Variants in ARSG observed in about 807,000 individuals in gnomAD.
ARSG encodes arylsulfatase G.
ARSG carries 37 observed loss-of-function variants against 50.5 expected under a neutral mutation model. That is an observed-to-expected ratio of 0.73 (90% CI 0.56 to 0.96). The LOEUF is 0.96. Ranked by LOEUF, ARSG falls within the 50% of genes least tolerant of loss-of-function variation. The pLI, the probability that ARSG is intolerant of heterozygous loss-of-function variation, is 0.00. For missense variants in ARSG, 629 were observed against 675.3 expected (o/e 0.93, Z 0.76); for synonymous variants, 225 against 254.6 (o/e 0.88, Z 1.11).
chr17:68,321,084 C>T (rs879990931), intron 2 of ARSG, among the ~76,000 whole-genome samples: 5 of 152,056 alleles, frequency 3.3e-5, no homozygotes, highest in African/African-American at 7.2e-5. Context: ...ACAGGAGGAT[C>T]GCTTGAGCCC....
chr17:68,401,259 G>C, intron 10 of ARSG, 101 bp from the exon 11 acceptor site: 1 of 1,030,272 alleles, frequency 9.7e-7, no homozygotes, highest in South Asian at 1.4e-5. Flanking sequence ...CTGGGCTCAA[G>C]TGATCCTCCT....
downstream of ARSG, among the ~76,000 whole-genome samples, chr17:68,425,540 T>C (rs763911334): frequency 4.6e-5 from 7 of 151,950 alleles, no homozygotes; most frequent in Non-Finnish European, 1.0e-4. Context: ...TTAATGAGTG[T>C]CTGCAACTGC....
intron 1 of ARSG, chr17:68,278,421 A>G: frequency 1.4e-6 from 1 of 711,208 alleles, no homozygotes. Flanking sequence ...AGAACTACTT[A>G]CCCCATTTCT....
chr17:68,436,770 G>A, the ARSG span, among the ~76,000 whole-genome samples: 1 of 152,136 alleles, frequency 6.6e-6, no homozygotes, highest in Non-Finnish European at 1.5e-5. Context: ...TTTGAGGCGG[G>A]CGGATCACTT....
At chr17:68,309,978 G>A (rs554952482) in intron 2 of ARSG, among the ~76,000 whole-genome samples, 10 of 128,880 alleles carry the variant, frequency 7.8e-5, no homozygotes, top group African/African-American at 3.0e-4. Flanking sequence ...TTGTTTTGTT[G>A]TGTTTTTTTT....
At chr17:68,346,646 C>G in intron 3 of ARSG, 1 of 1,059,692 alleles carries the variant, frequency 9.4e-7, no homozygotes, top group South Asian at 1.6e-5. Context: ...GTAGGTGTCT[C>G]GGTGCTTGAA....
At chr17:68,282,785 A>AAAAAAAAAAAAAAAAAAAAAAAAG (rs2075735915) in intron 1 of ARSG, among the ~76,000 whole-genome samples, 1 of 146,030 alleles carries the variant, frequency 6.8e-6, no homozygotes, top group Non-Finnish European at 1.5e-5. Context: ...CTACTAAAAA[A>AAAAAAAAAAAAAAAAAAAAAAAAG]AAAAAAAAAA....
chr17:68,418,837 T>C (rs1490559140), intron 11 of ARSG, among the ~76,000 whole-genome samples: 1 of 152,216 alleles, frequency 6.6e-6, no homozygotes, highest in Non-Finnish European at 1.5e-5. Flanking sequence ...CTGCTTCTCC[T>C]GAGCAACTGA....
At chr17:68,286,028 G>A (rs2075834061) in intron 1 of ARSG, among the ~76,000 whole-genome samples, 1 of 152,122 alleles carries the variant, frequency 6.6e-6, no homozygotes, top group Admixed American at 6.6e-5. Context: ...CAAAGTGCTG[G>A]GATTACAGAT....
rs547628154 is a variant in ARSG at position 68,346,865 on chromosome 17, C to T, written c.407-260C>T. ...TGAGGGGCAGAGGCTCAGGCTTCTC[C>T]GGGCTCCTGGTGATGGGCTGTCTTC... On this transcript the variant is annotated intron_variant, in intron 3 of 11. Transcript: ENST00000621439. 7.5e-4 allele frequency: 1,062 copies of T among 1,416,902 alleles called. 1 individual carries two copies. Among genetic ancestry groups the T allele is most frequent in the Non-Finnish European group, 9.4e-4 (1,010 of 1,071,282 alleles). The allele number at this position is 1,416,902 out of a possible 1,614,324, so 87.8% of individuals were successfully genotyped here.
intron 9 of ARSG, among the ~76,000 whole-genome samples, chr17:68,386,398 G>A (rs150549010): frequency 2.1e-3 from 313 of 152,294 alleles, no homozygotes; most frequent in Non-Finnish European, 3.7e-3. Flanking sequence ...AGCTTCATTG[G>A]CACCCTCTGA....
At position 68,281,523 on chromosome 17, in the gene ARSG, C is replaced by T. The variant is rs568741126; in HGVS notation, c.-552+22097C>T. ...CTGGGAGGTGGAGGTTGCAGTGAGCCGAGATCGTGCCACTGTACTCCAGCC... is the reference window on the plus strand; with the variant it reads ...CTGGGAGGTGGAGGTTGCAGTGAGCTGAGATCGTGCCACTGTACTCCAGCC... On this transcript the variant is annotated intron_variant, in intron 1 of 11. Coordinates refer to the ARSG transcript ENST00000448504. Among the ~76,000 whole-genome samples the T allele has an allele frequency of 9.2e-5, 14 of 152,050 alleles. No homozygotes were observed. The East Asian group carries it at 1.7e-3, about 19-fold the overall frequency.
At chr17:68,314,249 G>A (rs1258019049) in intron 2 of ARSG, among the ~76,000 whole-genome samples, 1 of 151,830 alleles carries the variant, frequency 6.6e-6, no homozygotes, top group Non-Finnish European at 1.5e-5. Flanking sequence ...AATCTGGGCC[G>A]GGCACAGTGG....
At chr17:68,357,174 A>T (rs1429778803) in intron 6 of ARSG, among the ~76,000 whole-genome samples, 1 of 152,152 alleles carries the variant, frequency 6.6e-6, no homozygotes, top group Non-Finnish European at 1.5e-5. Context: ...AGCTGGCAGG[A>T]TGTATTACTT....
At chr17:68,412,633 C>A (rs1001786554) in intron 11 of ARSG, among the ~76,000 whole-genome samples, 1 of 152,052 alleles carries the variant, frequency 6.6e-6, no homozygotes, top group East Asian at 1.9e-4. Flanking sequence ...ATCTTTGTGG[C>A]GTTCTCTGTA....
chr17:68,423,145 T>C (rs1437760927), downstream of ARSG, among the ~76,000 whole-genome samples: 1 of 152,162 alleles, frequency 6.6e-6, no homozygotes, highest in Non-Finnish European at 1.5e-5. The surrounding 1 kb of genome is among the most constrained non-coding windows in gnomAD (Gnocchi z 4.4). Flanking sequence ...TCCAAGAGCC[T>C]TTTGTGGTCC....
In ARSG at chr17:68,399,748, G is replaced by A. The variant is rs532826420; in HGVS notation, c.1213-1612G>A. 2.6e-5 allele frequency among the ~76,000 whole-genome samples: 4 copies of A among 152,306 alleles called. No individual in the cohort carries two copies. Among genetic ancestry groups the A allele is most frequent in the East Asian group, 1.9e-4 (1 of 5,178 alleles). On this transcript the variant is annotated intron_variant, in intron 10 of 11. Coordinates refer to ENST00000621439, the MANE Select transcript of ARSG (RefSeq NM_001267727.2). This position sits in a 1 kb window ranked among gnomAD's most constrained non-coding sequence, Gnocchi z 4.6. Reference sequence around the variant, plus strand: ...CTCATGGAATTTCTGTGACTGAGACGCAAGTACTGTGACTGATCTGAAGCA... The same window carrying A: ...CTCATGGAATTTCTGTGACTGAGACACAAGTACTGTGACTGATCTGAAGCA...
At chr17:68,405,540 A>G (rs2081671812) in intron 11 of ARSG, among the ~76,000 whole-genome samples, 1 of 152,088 alleles carries the variant, frequency 6.6e-6, no homozygotes, top group South Asian at 2.1e-4. Flanking sequence ...CAATCCTGCC[A>G]TTTTGCTGAA....
intron 5 of ARSG, among the ~76,000 whole-genome samples, chr17:68,354,194 G>A (rs2078931691): frequency 6.6e-6 from 1 of 151,748 alleles, no homozygotes; most frequent in East Asian, 1.9e-4. Flanking sequence ...GCTGAGGTGG[G>A]TGGACCTTGT....
Sources: allele counts gnomAD v4.1 joint callset (sites outside exome capture counted in the v4.1 genomes callset), GRCh38; gene constraint gnomAD v4.1.1; non-coding constraint Gnocchi (gnomAD v3.1); transcripts MANE v1.5; gene names NCBI Gene and HGNC (gene_info 2026-07-23, HGNC 2026-07-21).